Variants in C8orf34 observed in about 807,000 individuals in gnomAD.
The protein encoded by C8orf34 is uncharacterized protein C8orf34.
Under a neutral mutation model 68.3 loss-of-function variants are expected in C8orf34, and 65 were observed. That is an observed-to-expected ratio of 0.95 (90% confidence interval 0.78 to 1.17). The LOEUF is 1.17. Ranked by LOEUF, C8orf34 falls within the 50% of genes most tolerant of loss-of-function variation. C8orf34 has a pLI of 0.00. For missense variants in C8orf34, 664 were observed against 655.4 expected, an observed-to-expected ratio of 1.01 and a Z score of -0.14; for synonymous variants, 244 against 241.2, an observed-to-expected ratio of 1.01 and a Z score of -0.11.
chr8:68,426,447 A>G (rs1347173309), intron 1 of C8orf34, among the ~76,000 whole-genome samples: 1 of 136,926 alleles, frequency 7.3e-6, no homozygotes, highest in African/African-American at 2.7e-5. Flanking sequence ...TCAACCTAGG[A>G]GGCGGAGGTT....
At chr8:68,579,563 T>C (rs994056684) in intron 7 of C8orf34, among the ~76,000 whole-genome samples, 2 of 152,130 alleles carry the variant, frequency 1.3e-5, no homozygotes, top group Admixed American at 6.6e-5. Flanking sequence ...AGAGAAAACC[T>C]GCAAAGTAAA....
intron 9 of C8orf34, among the ~76,000 whole-genome samples, chr8:68,709,690 C>A (rs112352353): frequency 6.6e-6 from 1 of 152,092 alleles, no homozygotes; most frequent in African/African-American, 2.4e-5. Flanking sequence ...TGGCCCTCCT[C>A]GGACTATCTC....
At chr8:68,697,230 T>C (rs558994516) in intron 8 of C8orf34, among the ~76,000 whole-genome samples, 47 of 152,222 alleles carry the variant, frequency 3.1e-4, no homozygotes, top group African/African-American at 1.0e-3. Flanking sequence ...TTTCTTCTTA[T>C]AATTTGTAAG....
At chr8:68,403,741 C>A (rs552147116) in intron 1 of C8orf34, among the ~76,000 whole-genome samples, 3 of 152,268 alleles carry the variant, frequency 2.0e-5, no homozygotes, top group Admixed American at 1.3e-4. Flanking sequence ...GCATAGTATT[C>A]CATGGTGTAT....
chr8:68,644,767 T>A (rs1819115628), intron 8 of C8orf34, among the ~76,000 whole-genome samples: 1 of 152,126 alleles, frequency 6.6e-6, no homozygotes, highest in South Asian at 2.1e-4. Flanking sequence ...AGCCAGGTAA[T>A]CCCTCAGAAT....
intron 10 of C8orf34, among the ~76,000 whole-genome samples, chr8:68,774,029 G>A (rs1481990705): frequency 6.6e-6 from 1 of 152,142 alleles, no homozygotes; most frequent in East Asian, 1.9e-4. Flanking sequence ...CTGCTCTCCA[G>A]CATCTCTCAC....
Position 68,331,037 on chromosome 8 carries a change from T to G in C8orf34, c.25T>G (p.Leu9Val). MSSPLASE[L>V]SELAALRPGF... ...AATGAGTTCTCCCCTCGCCTCGGAG[T>G]TGTCTGAGTTGGCGGCGCTGCGCCC... Residue 9 changes from leucine (L) to valine (V), a missense_variant, in exon 1 of 14, where the codon TTG becomes GTG. Physicochemically the swap from Leu to Val is conservative, Grantham distance 32. Transcript: ENST00000518698. 1 of 1,466,128 alleles carries G rather than the reference T, an allele frequency of 6.8e-7. No homozygotes were observed. The allele number at this position is 1,466,128 out of a possible 1,614,324, so 90.8% of individuals were successfully genotyped here. A position where few individuals can be genotyped will look rare whatever the true frequency, so the allele number is the denominator to read the frequency against.
chr8:68,534,826 G>C, intron 7 of C8orf34: 7 of 985,412 alleles, frequency 7.1e-6, no homozygotes, highest in Non-Finnish European at 8.4e-6. Context: ...CAGCTGCCCT[G>C]ACTGAAGGTT....
chr8:68,796,951 C>G (rs999922445), intron 12 of C8orf34, among the ~76,000 whole-genome samples: 4 of 151,714 alleles, frequency 2.6e-5, no homozygotes, highest in African/African-American at 9.7e-5. Context: ...CTCAGCCTGC[C>G]GAGTAGCTGG....
chr8:68,765,245 G>T (rs74553962), intron 10 of C8orf34, among the ~76,000 whole-genome samples: 6,355 of 152,276 alleles, frequency 0.042, 200 homozygotes, highest in Non-Finnish European at 0.064. Flanking sequence ...TGGAAATCAG[G>T]GAAGTTATGT....
chr8:68,743,404 G>T (rs963430285), intron 10 of C8orf34, among the ~76,000 whole-genome samples: 8 of 152,218 alleles, frequency 5.3e-5, no homozygotes, highest in Non-Finnish European at 1.2e-4. Flanking sequence ...ACAGCTCCCA[G>T]CATGAGCGAC....
intron 10 of C8orf34, among the ~76,000 whole-genome samples, chr8:68,723,380 G>C (rs1438588638): frequency 6.6e-6 from 1 of 152,038 alleles, no homozygotes; most frequent in Non-Finnish European, 1.5e-5. Context: ...TCAGTACCTT[G>C]ATGCTTTCTC....
At chr8:68,434,535 T>G (rs1563435507) in intron 1 of C8orf34, among the ~76,000 whole-genome samples, 1 of 152,218 alleles carries the variant, frequency 6.6e-6, no homozygotes, top group Non-Finnish European at 1.5e-5. Flanking sequence ...ATTTTCTTTA[T>G]CTAGTCTATC....
At chr8:68,423,664 T>C (rs2129623852) in intron 1 of C8orf34, among the ~76,000 whole-genome samples, 2 of 152,230 alleles carry the variant, frequency 1.3e-5, no homozygotes, top group Middle Eastern at 6.8e-3. Context: ...TCGGGTATCT[T>C]TACAGCAGCA....
intron 7 of C8orf34, among the ~76,000 whole-genome samples, chr8:68,557,363 T>C (rs564231984): frequency 9.8e-5 from 15 of 152,304 alleles, no homozygotes; most frequent in African/African-American, 3.6e-4. Flanking sequence ...GATCCTAAAC[T>C]TGAGCCCCAA....
intron 7 of C8orf34, among the ~76,000 whole-genome samples, chr8:68,614,357 C>T (rs1818125464): frequency 6.6e-6 from 1 of 152,100 alleles, no homozygotes; most frequent in African/African-American, 2.4e-5. Context: ...GAAATGAAGT[C>T]CTTGCCCATG....
chr8:68,620,664 C>CAA lies in C8orf34; in HGVS notation c.1106-19701_1106-19700dup, dbSNP rs34609291. 1.2e-3 allele frequency among the ~76,000 whole-genome samples: 149 copies of CAA among 128,440 alleles called. 1 individual carries two copies. The highest frequency in any genetic ancestry group is 2.6e-3 in the South Asian group (10 of 3,914). The allele number at this position is 128,440 out of a possible 152,430, so 84.3% of individuals were successfully genotyped here. ...AACCTAAATTCAACTATATCTGTGT[C>CAA]AAAAAAAAAAAAGACTAAGTTTACT... On this transcript the variant is annotated intron_variant, in intron 7 of 13. Coordinates refer to ENST00000518698, the MANE Select transcript of C8orf34 (RefSeq NM_052958.4).
At chr8:68,759,437 C>A (rs1279064142) in intron 10 of C8orf34, among the ~76,000 whole-genome samples, 1 of 152,216 alleles carries the variant, frequency 6.6e-6, no homozygotes, top group African/African-American at 2.4e-5. Context: ...TCTTCACACA[C>A]CCACCCCATT....
intron 12 of C8orf34, among the ~76,000 whole-genome samples, chr8:68,788,008 G>A (rs1823892686): frequency 6.6e-6 from 1 of 152,094 alleles, no homozygotes; most frequent in African/African-American, 2.4e-5. Flanking sequence ...GTAGACTAAT[G>A]GCTCTTGGTT....
Sources: gnomAD v4.1 joint callset for allele counts (sites outside exome capture counted in the v4.1 genomes callset) on GRCh38, gnomAD v4.1.1 for gene constraint, MANE v1.5 for transcripts, NCBI Gene and HGNC (gene_info 2026-07-23, HGNC 2026-07-21) for gene names.